PTK7: variants seen among roughly 807,000 people sequenced by gnomAD.
PTK7 encodes inactive tyrosine-protein kinase 7.
A neutral mutation model predicts 116.6 loss-of-function variants in PTK7; 39 were observed. The ratio of observed to expected loss-of-function variants is 0.33; its 90% CI spans 0.26 to 0.44. PTK7 has a LOEUF of 0.44. Among genes scored for constraint, PTK7 ranks in the 20% least tolerant of loss-of-function variants. The pLI is 1.00. For missense variants in PTK7, 1,169 were observed against 1,425.6 expected (o/e 0.82, Z 2.90); for synonymous variants, 546 against 563.6 (o/e 0.97, Z 0.44).
intron 17 of PTK7, among the ~76,000 whole-genome samples, chr6:43,152,743 T>C (rs937292116): frequency 9.7e-6 from 1 of 103,542 alleles, no homozygotes; most frequent in African/African-American, 5.3e-5. Flanking sequence ...ATTTATGTTA[T>C]GTTATGTTAT....
In PTK7 at chr6:43,142,248, G is replaced by T; in HGVS notation, c.1996G>T (p.Ala666Ser). ...GGACTCAGGCCGCTACACCTGCATT[G>T]CAGGCAACAGCTGCAACATCAAGCA... ...PEDSGRYTCIAGNSCNIKHTE... is the reference protein window; with the variant it reads ...PEDSGRYTCISGNSCNIKHTE... Residue 666 changes from alanine to serine, a missense_variant, in exon 13 of 20, where the codon GCA becomes TCA. Coordinates refer to ENST00000230419, the MANE Select transcript of PTK7 (RefSeq NM_002821.5). The T allele has an allele frequency of 6.2e-7, 1 of 1,614,176 alleles. No homozygotes were observed. Among genetic ancestry groups the T allele is most frequent in the Non-Finnish European group, 8.5e-7 (1 of 1,180,032 alleles).
rs772467779 is a variant in PTK7, at chr6:43,128,962, T to C, written c.80-15T>C. 1.6e-5 allele frequency: 26 copies of C among 1,590,566 alleles called. No individual in the cohort carries two copies. The Admixed American group carries it at 4.3e-4, about 26-fold the overall frequency. Reference sequence around the variant, plus strand: ...GCTCCCCCTGACCCTGCCTCTCCCCTGTTTGCATCTACAGGTACCCAGACA... The same window carrying C: ...GCTCCCCCTGACCCTGCCTCTCCCCCGTTTGCATCTACAGGTACCCAGACA... On this transcript the variant is annotated splice_polypyrimidine_tract_variant and intron_variant, in intron 1 of 19. Transcript: ENST00000230419.
intron 1 of PTK7, among the ~76,000 whole-genome samples, chr6:43,121,783 T>C (rs1768981681): frequency 6.6e-6 from 1 of 152,184 alleles, no homozygotes. Flanking sequence ...AAAAGGGAGA[T>C]GACTGGACTT....
At chr6:43,109,087 T>TA (rs1365666715) in intron 1 of PTK7, among the ~76,000 whole-genome samples, 1 of 152,232 alleles carries the variant, frequency 6.6e-6, no homozygotes, top group Non-Finnish European at 1.5e-5. Flanking sequence ...ACTGTACACT[T>TA]ACGGATTTTA....
intron 1 of PTK7, among the ~76,000 whole-genome samples, chr6:43,090,508 G>A (rs1766886194): frequency 6.6e-6 from 1 of 152,170 alleles, no homozygotes. Flanking sequence ...TGTGGAGAGA[G>A]GGACCCCAGC....
chr6:43,159,413 C>T (rs1484400363), intron 18 of PTK7, among the ~76,000 whole-genome samples: 2 of 152,114 alleles, frequency 1.3e-5, no homozygotes, highest in Non-Finnish European at 2.9e-5. Flanking sequence ...TCCAGGTCAC[C>T]CCCATTTGTC....
At position 43,139,033 on chromosome 6, in the gene PTK7, G is replaced by C; in HGVS notation, c.1362+51G>C. ...GATGGGCGGGGCCTTCCCTCCACTT[G>C]CCCTCTTCTGTGCTCACCTCCATAG... is the stretch of plus-strand genomic sequence containing the variant. On this transcript the variant is annotated intron_variant, in intron 8 of 19. Transcript: ENST00000230419. This position sits in a 1 kb window ranked among gnomAD's most constrained non-coding sequence, Gnocchi z 4.6. 1.2e-6 allele frequency: 2 copies of C among 1,607,220 alleles called. No individual in the cohort carries two copies. Among genetic ancestry groups the C allele is most frequent in the Non-Finnish European group, 1.7e-6 (2 of 1,175,136 alleles).
At chr6:43,097,965 T>C (rs961747993) in intron 1 of PTK7, among the ~76,000 whole-genome samples, 1 of 152,200 alleles carries the variant, frequency 6.6e-6, no homozygotes, top group African/African-American at 2.4e-5. Flanking sequence ...AGCTGCCCAG[T>C]GGTAGCTCAA....
rs766267973 is a variant in PTK7 at position 43,139,092 on chromosome 6, G to T, written c.1363-44G>T. ...CCCTGGAGGCAGCCTCCAGGGAGAGGTGGGTGTGGGTTCAGGCTCTGAGGC... is the reference window on the plus strand; with the variant it reads ...CCCTGGAGGCAGCCTCCAGGGAGAGTTGGGTGTGGGTTCAGGCTCTGAGGC... On this transcript the variant is annotated intron_variant, in intron 8 of 19. Transcript: ENST00000230419. The surrounding 1 kb of genome is among the most constrained non-coding windows in gnomAD (Gnocchi z 4.6). 3.4e-5 allele frequency: 55 copies of T among 1,612,248 alleles called. No homozygotes were observed. Among genetic ancestry groups the T allele is most frequent in the Non-Finnish European group, 4.4e-5 (52 of 1,178,632 alleles).
At chr6:43,104,401 AT>A (rs1378531560) in intron 1 of PTK7, among the ~76,000 whole-genome samples, 1 of 152,098 alleles carries the variant, frequency 6.6e-6, no homozygotes, top group Non-Finnish European at 1.5e-5. Flanking sequence ...AAAACAAAGT[AT>A]TTTTTTAAAA....
chr6:43,157,351 TATATATA>T (rs1261002352), intron 17 of PTK7, among the ~76,000 whole-genome samples: 23 of 12,242 alleles, frequency 1.9e-3, no homozygotes, highest in African/African-American at 2.8e-3. Context: ...TATATATATA[TATATATA>T]TATATATTTT....
At chr6:43,159,552 A>G in intron 18 of PTK7, 1 of 575,272 alleles carries the variant, frequency 1.7e-6, no homozygotes, top group Non-Finnish European at 3.1e-6. Flanking sequence ...GTTAACATTT[A>G]GGCAAAGTTT....
At chr6:43,093,379 G>T (rs181978790) in intron 1 of PTK7, among the ~76,000 whole-genome samples, 124 of 152,090 alleles carry the variant, frequency 8.2e-4, no homozygotes, top group Non-Finnish European at 3.7e-4. Context: ...ATTTTGAAAG[G>T]CTGAGCTGGG....
Position 43,132,959 on chromosome 6 carries a change from C to T in PTK7, c.1228+272C>T, listed in dbSNP as rs1267188616. On this transcript the variant is annotated intron_variant, in intron 7 of 19. Transcript: ENST00000230419. Reference sequence around the variant, plus strand: ...GAGCAATAGACTAGGAATCTAGAGACCTGGGTCCCACTATGCTCCCAATGC... The same window carrying T: ...GAGCAATAGACTAGGAATCTAGAGATCTGGGTCCCACTATGCTCCCAATGC... The T allele has an allele frequency of 6.9e-6, 4 of 579,106 alleles. No homozygotes were observed. The East Asian group carries it at 1.1e-4, about 16-fold the overall frequency. The allele number at this position is 579,106 out of a possible 1,614,324, so 35.9% of individuals were successfully genotyped here.
At chr6:43,107,150 T>C (rs553065615) in intron 1 of PTK7, among the ~76,000 whole-genome samples, 4 of 149,618 alleles carry the variant, frequency 2.7e-5, no homozygotes, top group African/African-American at 9.9e-5. Context: ...CTCGAACTCC[T>C]GACCTCAAGG....
rs114783445 is a variant in PTK7, at chr6:43,116,309, G to A, written c.80-12668G>A. Among the ~76,000 whole-genome samples, 350 of 152,280 alleles carry A rather than the reference G, an allele frequency of 2.3e-3. 1 individual carries two copies. Among genetic ancestry groups the A allele is most frequent in the African/African-American group, 8.1e-3 (337 of 41,550 alleles). On this transcript the variant is annotated intron_variant, in intron 1 of 19. Coordinates refer to ENST00000230419, the MANE Select transcript of PTK7 (RefSeq NM_002821.5). Reference sequence around the variant, plus strand: ...AGCTGGCCAGCCGTGAGAAGGGATGGCCAGGCTGTCCAGGGGCATGTTCGC... The same window carrying A: ...AGCTGGCCAGCCGTGAGAAGGGATGACCAGGCTGTCCAGGGGCATGTTCGC...
intron 7 of PTK7, 65 bp downstream of exon 7, chr6:43,132,752 C>T: frequency 1.3e-6 from 2 of 1,547,292 alleles, no homozygotes; most frequent in Non-Finnish European, 1.7e-6. Flanking sequence ...GTGTGATGGA[C>T]AGAGGCTTCC....
Position 43,146,619 on chromosome 6 carries a change from G to A in PTK7, c.2642G>A (p.Gly881Glu). 1.2e-6 allele frequency: 2 copies of A among 1,613,432 alleles called. No individual in the cohort carries two copies. The highest frequency in any genetic ancestry group is 1.7e-6 in the Non-Finnish European group (2 of 1,179,840). Residue 881 changes from glycine to glutamate, a missense_variant and splice_region_variant, in exon 17 of 20, where the codon GGA becomes GAA. By Grantham distance (98) the Gly-to-Glu change is moderately conservative (BLOSUM62 -2). Around this residue, in one of 3 missense-constraint regions of PTK7, gnomAD observed 678 missense variants for 853.8 expected, o/e 0.79. Transcript: ENST00000230419. ...HYMVLEYVDL[G>E]DLKQFLRISK... Reference sequence around the variant, plus strand: ...CGAGATGCCTGGCTTTTCCCTTAGGGAGACCTCAAGCAGTTCCTGAGGATT... The same window carrying A: ...CGAGATGCCTGGCTTTTCCCTTAGGAAGACCTCAAGCAGTTCCTGAGGATT...
chr6:43,084,872 TGTA>T (rs1766571148), intron 1 of PTK7, among the ~76,000 whole-genome samples: 1 of 152,074 alleles, frequency 6.6e-6, no homozygotes, highest in African/African-American at 2.4e-5. Context: ...GATGAATAGA[TGTA>T]GTCAGTGACG....
Sources: allele counts gnomAD v4.1 joint callset (sites outside exome capture counted in the v4.1 genomes callset), GRCh38; gene constraint gnomAD v4.1.1; regional missense constraint gnomAD v4.1.1; non-coding constraint Gnocchi (gnomAD v3.1); transcripts MANE v1.5; gene names NCBI Gene and HGNC (gene_info 2026-07-23, HGNC 2026-07-21).